TAF4: variants seen among roughly 807,000 people sequenced by gnomAD.
TAF4 encodes transcription initiation factor TFIID subunit 4.
Under a neutral mutation model 90.3 loss-of-function variants are expected in TAF4, and 9 were observed. That is an observed-to-expected ratio of 0.10 (90% CI 0.06 to 0.17). The LOEUF is 0.17. Among genes scored for constraint, TAF4 ranks in the 10% least tolerant of loss-of-function variants. TAF4 has a pLI of 1.00. For synonymous variants in TAF4, 818 were observed against 638.9 expected (o/e 1.28, Z -4.23); for missense variants, 1,351 against 1,370.7 (o/e 0.99, Z 0.23).
Position 61,999,640 on chromosome 20 carries a change from C to T in TAF4, c.2787+484G>A, listed in dbSNP as rs559837509. The stretch of plus-strand genomic sequence containing the variant: ...TCAGCCCATGGCCCAGAGAGAGAGG[C>T]AGGTGCCTTCCAAAAGGTAAACCCG... On this transcript the variant is annotated intron_variant, in intron 11 of 14. Coordinates refer to ENST00000252996, the MANE Select transcript of TAF4 (RefSeq NM_003185.4). 2.3e-3 allele frequency among the ~76,000 whole-genome samples: 355 copies of T among 152,288 alleles called. 2 individuals are homozygous for T. The highest frequency in any genetic ancestry group is 2.9e-3 in the Non-Finnish European group (196 of 68,036).
intron 14 of TAF4, among the ~76,000 whole-genome samples, chr20:61,990,685 C>T (rs1274240026): frequency 2.0e-5 from 3 of 152,204 alleles, no homozygotes; most frequent in African/African-American, 7.2e-5. Flanking sequence ...AGGGCTCCTG[C>T]AGCACAGGGC....
Position 62,065,293 on chromosome 20 carries a change from CCGG to C in TAF4, c.515_517del (p.Pro172_Gly173delinsArg). 1 of 911,544 alleles carries C rather than the reference CCGG, an allele frequency of 1.1e-6. No individual in the cohort carries two copies. Among genetic ancestry groups the C allele is most frequent in the African/African-American group, 2.0e-5 (1 of 49,862 alleles). 56.5% of individuals were successfully genotyped at this position (911,544 alleles called of 1,614,324 possible). On this transcript the variant is annotated inframe_deletion, in exon 1 of 15. Transcript: ENST00000252996. ...GCCGGGGCCGGGGCCGGGCCCGGGG[CCGG>C]GGCCGGCGCGGGCGGCCAGCGCGGC... is the stretch of plus-strand genomic sequence containing the variant.
At chr20:61,976,995 C>T (rs1015214122) in intron 14 of TAF4, among the ~76,000 whole-genome samples, 2 of 152,208 alleles carry the variant, frequency 1.3e-5, no homozygotes, top group Non-Finnish European at 1.5e-5. Flanking sequence ...AGAGCTCTGG[C>T]GGTTTCAGCT....
At position 62,065,130 on chromosome 20, in the gene TAF4, C is replaced by A. The variant is rs777373435; in HGVS notation, c.681G>T (p.Pro227=). The A allele has an allele frequency of 1.7e-6, 2 of 1,166,086 alleles. No homozygotes were observed. Among genetic ancestry groups the A allele is most frequent in the South Asian group, 3.1e-5 (2 of 65,520 alleles). The allele number at this position is 1,166,086 out of a possible 1,614,324, so 72.2% of individuals were successfully genotyped here. A position where few individuals can be genotyped will look rare whatever the true frequency, so the allele number is the denominator to read the frequency against. The change falls in exon 1 of 15, where the codon CCG becomes CCT. Residue 227 remains proline, a synonymous_variant. Transcript: ENST00000252996. ...LVNNGPAALL[P]LPKPAAPGTV... is the part of the protein sequence containing the mutation. The stretch of plus-strand genomic sequence containing the variant: ...TGCCGGGGGCGGCGGGCTTGGGCAG[C>A]GGCAGCAGCGCGGCGGGCCCGTTGT...
chr20:61,987,195 C>T (rs543381464), intron 14 of TAF4, among the ~76,000 whole-genome samples: 3 of 152,228 alleles, frequency 2.0e-5, no homozygotes, highest in South Asian at 2.1e-4. Flanking sequence ...GACGTCATCA[C>T]GAGGAGACAC....
At chr20:62,007,801 G>GT (rs2055755541) in intron 5 of TAF4, 165 bp from the exon 6 acceptor site, 1 of 622,820 alleles carries the variant, frequency 1.6e-6, no homozygotes, top group Non-Finnish European at 2.7e-6. Context: ...AGGTACATGT[G>GT]TGACAGGCGC....
At chr20:62,007,478 A>G in intron 6 of TAF4, 69 bp downstream of exon 6, 4 of 1,471,634 alleles carry the variant, frequency 2.7e-6, no homozygotes, top group South Asian at 2.3e-5. Context: ...CGCCCTGCAC[A>G]CTTGGTGCAT....
At chr20:62,000,518 TTAA>T (rs1445249435) in intron 10 of TAF4, 31 bp downstream of exon 10, 1 of 1,600,142 alleles carries the variant, frequency 6.2e-7, no homozygotes, top group Non-Finnish European at 8.5e-7. Flanking sequence ...GCGCAGCTGT[TTAA>T]TAAGAACTCA....
intron 3 of TAF4, among the ~76,000 whole-genome samples, chr20:62,011,949 T>C (rs2055780966): frequency 6.6e-6 from 1 of 152,094 alleles, no homozygotes; most frequent in African/African-American, 2.4e-5. Context: ...GCTGCTTCCC[T>C]CACCAGGTGC....
chr20:62,049,452 T>G (rs1488689234), intron 1 of TAF4, among the ~76,000 whole-genome samples: 2 of 152,114 alleles, frequency 1.3e-5, no homozygotes, highest in Admixed American at 1.3e-4. Flanking sequence ...CTCCAGTGTG[T>G]CATCAGGACC....
At chr20:62,011,042 G>A (rs534811424) in intron 3 of TAF4, among the ~76,000 whole-genome samples, 1 of 152,158 alleles carries the variant, frequency 6.6e-6, no homozygotes, top group South Asian at 2.1e-4. Flanking sequence ...CCGGAGCAGC[G>A]AGCTCTCTCC....
chr20:62,010,311 G>T lies in TAF4; in HGVS notation c.1642-146C>A. The T allele has an allele frequency of 2.4e-6, 3 of 1,230,250 alleles. No individual in the cohort carries two copies. Among genetic ancestry groups the T allele is most frequent in the Non-Finnish European group, 3.4e-6 (3 of 886,220 alleles). 76.2% of individuals were successfully genotyped at this position (1,230,250 alleles called of 1,614,324 possible). A position where few individuals can be genotyped will look rare whatever the true frequency, so the allele number is the denominator to read the frequency against. The stretch of plus-strand genomic sequence containing the variant: ...AGCCAAGGACCCCGGCCACCTGCCA[G>T]CCCGCTGGACACGGGAGTGCTGCTG... On this transcript the variant is annotated intron_variant, in intron 3 of 14. Coordinates refer to ENST00000252996, the MANE Select transcript of TAF4 (RefSeq NM_003185.4). The surrounding 1 kb of genome is among the most constrained non-coding windows in gnomAD (Gnocchi z 4.5).
At chr20:62,049,571 T>C (rs1465248641) in intron 1 of TAF4, among the ~76,000 whole-genome samples, 2 of 152,076 alleles carry the variant, frequency 1.3e-5, no homozygotes, top group Non-Finnish European at 2.9e-5. Context: ...CTGGGTCTCA[T>C]CTACCTGAGT....
At chr20:61,984,157 C>T (rs943963842) in intron 14 of TAF4, among the ~76,000 whole-genome samples, 2 of 152,254 alleles carry the variant, frequency 1.3e-5, no homozygotes, top group South Asian at 2.1e-4. Context: ...CACTGAGGAG[C>T]GGCTCGGGGA....
intron 3 of TAF4, among the ~76,000 whole-genome samples, chr20:62,011,315 G>A (rs1056717618): frequency 1.3e-5 from 2 of 152,114 alleles, no homozygotes; most frequent in African/African-American, 4.8e-5. Flanking sequence ...CTCATCTTTT[G>A]GGAGTCTTCT....
In TAF4 at chr20:62,064,621, G is replaced by C; in HGVS notation, c.1190C>G (p.Pro397Arg). Residue 397 changes from proline to arginine, a missense_variant, in exon 1 of 15, where the codon CCC becomes CGC. By Grantham distance (103) the Pro-to-Arg change is moderately radical. Around this residue, in one of 9 missense-constraint regions of TAF4, gnomAD observed 782 missense variants for 536.6 expected, o/e 1.46. Transcript: ENST00000252996. ...AAVPPPAPGT[P>R]TGLPKGAAGA... ...GGCCGCGCCTTTGGGCAGCCCGGTG[G>C]GGGTCCCGGGGGCGGGCGGCGGGAC... The C allele has an allele frequency of 7.3e-7, 1 of 1,370,166 alleles. No homozygotes were observed. The highest frequency in any genetic ancestry group is 9.4e-7 in the Non-Finnish European group (1 of 1,068,260). The allele number at this position is 1,370,166 out of a possible 1,614,324, so 84.9% of individuals were successfully genotyped here. A position where few individuals can be genotyped will look rare whatever the true frequency, so the allele number is the denominator to read the frequency against.
At chr20:61,991,532 G>A (rs1441859345) in intron 14 of TAF4, among the ~76,000 whole-genome samples, 3 of 151,984 alleles carry the variant, frequency 2.0e-5, no homozygotes, top group South Asian at 2.1e-4. Flanking sequence ...CCTGGAGGTC[G>A]AGGCTGCAGT....
intron 14 of TAF4, among the ~76,000 whole-genome samples, chr20:61,985,680 G>C (rs762520840): frequency 6.6e-6 from 1 of 151,146 alleles, no homozygotes; most frequent in African/African-American, 2.4e-5. Context: ...TGTAAGGCAC[G>C]AGGGAAGCTA....
chr20:62,006,433 T>C lies in TAF4; in HGVS notation c.2223+77A>G, dbSNP rs997710159. The C allele has an allele frequency of 7.6e-7, 1 of 1,324,418 alleles. No homozygotes were observed. The highest frequency in any genetic ancestry group is 3.5e-5 in the Admixed American group (1 of 28,806). The allele number at this position is 1,324,418 out of a possible 1,614,324, so 82.0% of individuals were successfully genotyped here. On this transcript the variant is annotated intron_variant, in intron 7 of 14. Coordinates refer to ENST00000252996, the MANE Select transcript of TAF4 (RefSeq NM_003185.4). The surrounding 1 kb of genome is among the most constrained non-coding windows in gnomAD (Gnocchi z 7.0). ...ATGCTTGGAAAAGGTTTCTGAGCCG[T>C]GGCCAATTTATCTAAGAAGCGGGCG...
Sources: allele counts gnomAD v4.1 joint callset (sites outside exome capture counted in the v4.1 genomes callset), GRCh38; gene constraint gnomAD v4.1.1; regional missense constraint gnomAD v4.1.1; non-coding constraint Gnocchi (gnomAD v3.1); transcripts MANE v1.5; gene names NCBI Gene and HGNC (gene_info 2026-07-23, HGNC 2026-07-21).